Variants in DST observed in about 807,000 individuals in gnomAD.
DST encodes bullous pemphigoid antigen.
A neutral mutation model predicts 875.2 loss-of-function variants in DST; 253 were observed. The observed-to-expected ratio is 0.29, with a 90% CI of 0.26 to 0.32. The LOEUF (loss-of-function observed/expected upper bound fraction) is 0.32. DST is among the 10% of genes least tolerant of loss of function. DST has a pLI of 1.00. For synonymous variants in DST, 3,124 were observed against 3,197.1 expected (o/e 0.98, Z 0.77); for missense variants, 8,287 against 9,111.6 (o/e 0.91, Z 3.68).
intron 5 of DST, among the ~76,000 whole-genome samples, chr6:56,726,701 T>C (rs1001090225): frequency 6.6e-6 from 1 of 152,206 alleles, no homozygotes; most frequent in Non-Finnish European, 1.5e-5. Flanking sequence ...TTTATTTCTC[T>C]TTTCCTGCAG....
chr6:56,622,624 A>G (rs1255995696), intron 36 of DST, among the ~76,000 whole-genome samples: 11 of 151,594 alleles, frequency 7.3e-5, no homozygotes. Context: ...TTTTTTAGCA[A>G]ATGTGAGAAA....
chr6:56,781,906 T>C lies in DST; in HGVS notation c.626-46617A>G, dbSNP rs577406736. On this transcript the variant is annotated intron_variant, in intron 4 of 103. Transcript: ENST00000680361. ...TTTTGAGATACATCCCATCAATACC[T>C]AATTTATTGACAGTTTTTAGCATGA... 3.9e-5 allele frequency among the ~76,000 whole-genome samples: 6 copies of C among 152,336 alleles called. No homozygotes were observed. The South Asian group carries it at 1.0e-3, about 26-fold the overall frequency.
intron 103 of DST, among the ~76,000 whole-genome samples, chr6:56,459,845 G>A (rs775528643): frequency 2.0e-5 from 3 of 152,156 alleles, no homozygotes; most frequent in Admixed American, 1.3e-4. Flanking sequence ...CTGTGCAATC[G>A]CTGAGCTGGC....
chr6:56,606,983 C>G lies in DST; in HGVS notation c.7645G>C (p.Glu2549Gln). The G allele has an allele frequency of 1.2e-6, 2 of 1,613,464 alleles. No individual in the cohort carries two copies. Among genetic ancestry groups the G allele is most frequent in the Non-Finnish European group, 1.7e-6 (2 of 1,179,614 alleles). ...TACTCTTCTATTTCAGACTCATCTT[C>G]CTTGTCTTCAGGCATCTGCTGAAAA... ...PGFQQMPEDK[E>Q]DESEIEEYSC... Residue 2549 changes from glutamate to glutamine, a missense_variant, in exon 40 of 104, where the codon GAA becomes CAA. By Grantham distance (29) the Glu-to-Gln change is conservative (BLOSUM62 2). This residue lies in a region of DST where 3,138 missense variants were observed against 3,116.6 expected (regional missense o/e 1.01). Transcript: ENST00000680361.
At chr6:56,504,331 A>G (rs1039316966) in intron 77 of DST, among the ~76,000 whole-genome samples, 3 of 152,178 alleles carry the variant, frequency 2.0e-5, no homozygotes, top group African/African-American at 7.2e-5. Flanking sequence ...TGTTTATTCA[A>G]TAGATTCTTG....
chr6:56,553,206 A>G lies in DST; in HGVS notation c.15586T>C (p.Leu5196=), dbSNP rs200133509. 1.2e-4 allele frequency: 195 copies of G among 1,613,868 alleles called. No individual in the cohort carries two copies. The highest frequency in any genetic ancestry group is 8.3e-5 in the Admixed American group (5 of 60,004). ...QNNLEEIKFC[L]DPAEGENSIA... ...GAATTCTCTCCTTCAGCAGGATCCA[A>G]GCAAAATTTTATTTCCTCCAGGTTG... is the stretch of plus-strand genomic sequence containing the variant. The change falls in exon 61 of 104, where the codon TTG becomes CTG. Residue 5196 remains leucine (L), a synonymous_variant. Transcript: ENST00000680361.
At chr6:56,497,800 A>G in intron 81 of DST, 56 bp downstream of exon 81, 1 of 1,424,428 alleles carries the variant, frequency 7.0e-7, no homozygotes, top group South Asian at 1.4e-5. Context: ...AAAGAATTCC[A>G]TGCTATTTTG....
Position 56,618,464 on chromosome 6 carries a change from T to G in DST, c.4930-3980A>C, listed in dbSNP as rs1167764333. ...ACACTGGAGCAAAACTAATTGATGTTCATGCTCTTTGATCTGTTGGTCCAT... is the reference window on the plus strand; with the variant it reads ...ACACTGGAGCAAAACTAATTGATGTGCATGCTCTTTGATCTGTTGGTCCAT... On this transcript the variant is annotated intron_variant, in intron 36 of 103. Coordinates refer to ENST00000680361, the MANE Select transcript of DST (RefSeq NM_001374736.1). 19 of 1,614,240 alleles carry G rather than the reference T, an allele frequency of 1.2e-5. No individual in the cohort carries two copies. Among genetic ancestry groups the G allele is most frequent in the Non-Finnish European group, 1.6e-5 (19 of 1,180,044 alleles).
At chr6:56,778,890 T>TA (rs2099685676) in intron 4 of DST, among the ~76,000 whole-genome samples, 1 of 152,034 alleles carries the variant, frequency 6.6e-6, no homozygotes, top group Admixed American at 6.5e-5. Flanking sequence ...ATCCTTTGGG[T>TA]ATATACCCAG....
intron 4 of DST, among the ~76,000 whole-genome samples, chr6:56,822,592 T>C (rs1433666687): frequency 1.3e-5 from 2 of 152,066 alleles, no homozygotes; most frequent in Admixed American, 6.6e-5. Context: ...ATCAAGAGTA[T>C]TGCCTCTGAA....
intron 22 of DST, among the ~76,000 whole-genome samples, chr6:56,637,077 C>T (rs2098832611): frequency 6.6e-6 from 1 of 151,492 alleles, no homozygotes; most frequent in Admixed American, 6.6e-5. Flanking sequence ...GAGTGAAACT[C>T]CACCTCAAAA....
At chr6:56,600,264 C>A in intron 44 of DST, 43 bp from the exon 45 acceptor site, 1 of 1,576,630 alleles carries the variant, frequency 6.3e-7, no homozygotes, top group South Asian at 1.2e-5. Context: ...GTATGGTGGT[C>A]ACAAAATCGC....
chr6:56,500,678 T>C (rs769236795), intron 80 of DST, among the ~76,000 whole-genome samples: 3 of 152,090 alleles, frequency 2.0e-5, no homozygotes, highest in South Asian at 2.1e-4. Context: ...AGTGAAAATA[T>C]ACATAAAACC....
chr6:56,511,488 G>A (rs2096474847), intron 72 of DST, 88 bp from the exon 73 acceptor site: 1 of 1,134,584 alleles, frequency 8.8e-7, no homozygotes. Context: ...CAGCTGGCAA[G>A]AAACTCCAAA....
intron 36 of DST, chr6:56,619,366 T>C (rs2152736819): frequency 1.9e-6 from 3 of 1,613,736 alleles, no homozygotes; most frequent in Middle Eastern, 3.3e-4. Flanking sequence ...CATTGAGCCT[T>C]TGGATTTTAT....
intron 2 of DST, among the ~76,000 whole-genome samples, chr6:56,925,014 A>T (rs902853467): frequency 6.6e-6 from 1 of 152,240 alleles, no homozygotes; most frequent in African/African-American, 2.4e-5. Context: ...AGGACTGAAA[A>T]GTACATTACC....
intron 87 of DST, among the ~76,000 whole-genome samples, chr6:56,486,282 G>A (rs2095559318): frequency 1.4e-5 from 2 of 140,824 alleles, no homozygotes; most frequent in African/African-American, 2.6e-5. Flanking sequence ...AGAATGGCGT[G>A]AACCCGGGAG....
chr6:56,574,117 A>G (rs1248428331), intron 50 of DST, among the ~76,000 whole-genome samples: 1 of 152,046 alleles, frequency 6.6e-6, no homozygotes, highest in East Asian at 1.9e-4. Context: ...AAAAGTTAAT[A>G]TATATCCCAT....
At chr6:56,570,856 T>C (rs1215183053) in intron 53 of DST, among the ~76,000 whole-genome samples, 1 of 152,212 alleles carries the variant, frequency 6.6e-6, no homozygotes, top group East Asian at 1.9e-4. Flanking sequence ...ATCTGTCCCC[T>C]TTATGTGATG....
Sources: gnomAD v4.1 joint callset for allele counts (sites outside exome capture counted in the v4.1 genomes callset) on GRCh38, gnomAD v4.1.1 for gene constraint, gnomAD v4.1.1 regional missense constraint, MANE v1.5 for transcripts, NCBI Gene and HGNC (gene_info 2026-07-23, HGNC 2026-07-21) for gene names.